The following PRKCQ variants were observed in gnomAD, a reference collection of about 807,000 sequenced individuals.
The protein encoded by PRKCQ is protein kinase C theta type.
A neutral mutation model predicts 91.2 loss-of-function variants in PRKCQ; 41 were observed. The observed-to-expected ratio is 0.45, with a 90% CI of 0.35 to 0.58. The LOEUF is 0.58. Ranked by LOEUF, PRKCQ falls within the 20% of genes least tolerant of loss-of-function variation. The probability of loss-of-function intolerance (pLI) is 0.00; values close to 1 mark genes in which losing one functional copy is unlikely to be tolerated. For missense variants in PRKCQ, 673 were observed against 896.5 expected, an observed-to-expected ratio of 0.75 and a Z score of 3.18; for synonymous variants, 307 against 316.9, an observed-to-expected ratio of 0.97 and a Z score of 0.33.
chr10:6,527,428 T>C (rs1327429146), intron 1 of PRKCQ, among the ~76,000 whole-genome samples: 2 of 152,184 alleles, frequency 1.3e-5, no homozygotes, highest in Non-Finnish European at 2.9e-5. Flanking sequence ...TTGCTAATCA[T>C]GGTCATTATG....
intron 1 of PRKCQ, among the ~76,000 whole-genome samples, chr10:6,522,578 C>T (rs768538849): frequency 5.9e-5 from 9 of 152,076 alleles, no homozygotes; most frequent in South Asian, 4.1e-4. Flanking sequence ...GTATAATATA[C>T]TCTCATCAAT....
chr10:6,564,368 G>A (rs1448075096), intron 1 of PRKCQ, among the ~76,000 whole-genome samples: 2 of 152,092 alleles, frequency 1.3e-5, no homozygotes, highest in East Asian at 3.8e-4. Context: ...TTCAAAGGCA[G>A]CTGCTGCAGC....
chr10:6,519,559 C>A (rs1245326906), intron 1 of PRKCQ, among the ~76,000 whole-genome samples: 1 of 152,160 alleles, frequency 6.6e-6, no homozygotes, highest in African/African-American at 2.4e-5. Context: ...CAGACCCCTG[C>A]AACTCTGATT....
At chr10:6,554,485 T>C (rs1050246514) in intron 1 of PRKCQ, among the ~76,000 whole-genome samples, 1 of 152,244 alleles carries the variant, frequency 6.6e-6, no homozygotes. Flanking sequence ...CTGTGGCCTC[T>C]GGCATTTTCT....
intron 16 of PRKCQ, among the ~76,000 whole-genome samples, chr10:6,440,615 C>G (rs1452892583): frequency 6.6e-6 from 1 of 152,194 alleles, no homozygotes; most frequent in Non-Finnish European, 1.5e-5. Flanking sequence ...ACAACACTGT[C>G]TCCTCCAGTA....
At position 6,507,480 on chromosome 10, in the gene PRKCQ, T is replaced by C. The variant is rs201241305; in HGVS notation, c.335A>G (p.Gln112Arg). 5 of 1,613,678 alleles carry C rather than the reference T, an allele frequency of 3.1e-6. No homozygotes were observed. The East Asian group carries it at 1.1e-4, about 36-fold the overall frequency. The change falls in exon 4 of 18, where the codon CAA becomes CGA. Residue 112 changes from glutamine to arginine, a missense_variant. By Grantham distance (43) the Gln-to-Arg change is conservative. Coordinates refer to ENST00000263125, the MANE Select transcript of PRKCQ (RefSeq NM_006257.5). The part of the protein sequence containing the change: ...KTEIWLELKP[Q>R]GRMLMNARYF... ...TCTTGCATTCATTAGCATTCGGCCT[T>C]GAGGTTTCAGCTCTAACTGGTTGGG...
downstream of PRKCQ, among the ~76,000 whole-genome samples, chr10:6,426,420 C>G (rs1478615968): frequency 6.6e-6 from 1 of 152,186 alleles, no homozygotes. Flanking sequence ...CTCCTTCAAG[C>G]AGGTGAATTT....
intron 7 of PRKCQ, among the ~76,000 whole-genome samples, chr10:6,493,173 TGA>T (rs1564349252): frequency 2.0e-5 from 3 of 152,114 alleles, no homozygotes; most frequent in Non-Finnish European, 4.4e-5. Context: ...TGAAAACCAA[TGA>T]GCTACATGGG....
At chr10:6,506,896 G>A (rs1314356281) in intron 4 of PRKCQ, among the ~76,000 whole-genome samples, 1 of 152,186 alleles carries the variant, frequency 6.6e-6, no homozygotes, top group Admixed American at 6.5e-5. Context: ...TTTCACTTCT[G>A]TGGCCAAAGT....
intron 1 of PRKCQ, among the ~76,000 whole-genome samples, chr10:6,551,698 C>A (rs1355313427): frequency 6.6e-6 from 1 of 152,148 alleles, no homozygotes; most frequent in African/African-American, 2.4e-5. Context: ...GCCCAGCCCA[C>A]ATTTTCTTTA....
chr10:6,532,893 G>A lies in PRKCQ; in HGVS notation c.-9-17749C>T, dbSNP rs572302300. 8.5e-5 allele frequency among the ~76,000 whole-genome samples: 13 copies of A among 152,232 alleles called. 1 individual carries two copies. In the South Asian group the frequency reaches 2.5e-3, roughly 29 times the overall value. ...AAAGAAGCACTATTCTGTGGATCCT[G>A]TTTTACTGCAATACTTGCTAAATTG... On this transcript the variant is annotated intron_variant, in intron 1 of 17. Transcript: ENST00000263125.
At chr10:6,475,678 C>T (rs375671752) in intron 12 of PRKCQ, among the ~76,000 whole-genome samples, 14 of 152,276 alleles carry the variant, frequency 9.2e-5, no homozygotes, top group African/African-American at 2.9e-4. Context: ...AACTGTCCTC[C>T]CAAGAAAGGT....
At position 6,562,393 on chromosome 10, in the gene PRKCQ, G is replaced by A. The variant is rs527737689; in HGVS notation, c.-10+17818C>T. Among the ~76,000 whole-genome samples the A allele has an allele frequency of 2.6e-5, 4 of 152,284 alleles. No individual in the cohort carries two copies. In the East Asian group the frequency reaches 5.8e-4, roughly 22 times the overall value. On this transcript the variant is annotated intron_variant, in intron 1 of 17. Coordinates refer to ENST00000263125, the MANE Select transcript of PRKCQ (RefSeq NM_006257.5). ...TGTTCACATGCTTCAGCAGAGAGAC[G>A]CACGCTTCAGGGCCCAGCAGAGAAT...
chr10:6,408,556 T>C, the PRKCQ span, among the ~76,000 whole-genome samples: 1 of 152,152 alleles, frequency 6.6e-6, no homozygotes, highest in Non-Finnish European at 1.5e-5. Flanking sequence ...GGTTTCACCA[T>C]GTTGGCCAGG....
At chr10:6,511,452 T>A (rs1838472422) in intron 2 of PRKCQ, among the ~76,000 whole-genome samples, 1 of 152,206 alleles carries the variant, frequency 6.6e-6, no homozygotes, top group African/African-American at 2.4e-5. Flanking sequence ...TGCCTTGGAC[T>A]GGAAATTGTT....
chr10:6,576,189 C>A lies in PRKCQ; in HGVS notation c.-10+4022G>T, dbSNP rs1841230470. Among the ~76,000 whole-genome samples, 1 of 152,166 alleles carries A rather than the reference C, an allele frequency of 6.6e-6. No individual in the cohort carries two copies. The highest frequency in any genetic ancestry group is 2.1e-4 in the South Asian group (1 of 4,820). On this transcript the variant is annotated intron_variant, in intron 1 of 17. Transcript: ENST00000263125. The surrounding 1 kb of genome is among the most constrained non-coding windows in gnomAD (Gnocchi z 4.2). The stretch of plus-strand genomic sequence containing the variant: ...TAAACATAGAATTACCCTACGACCC[C>A]ACAATTCTACTGCTGGGTACATACC...
chr10:6,487,704 A>G (rs952292771), intron 8 of PRKCQ, among the ~76,000 whole-genome samples: 1 of 152,186 alleles, frequency 6.6e-6, no homozygotes. Flanking sequence ...CTAATGAAAC[A>G]TCACCATTAA....
intron 1 of PRKCQ, among the ~76,000 whole-genome samples, chr10:6,561,841 T>A (rs772890846): frequency 1.3e-5 from 2 of 152,218 alleles, no homozygotes; most frequent in Non-Finnish European, 2.9e-5. Context: ...TAGAACTTGC[T>A]GTTTTTAATG....
chr10:6,503,969 G>A (rs1209161845), intron 4 of PRKCQ, among the ~76,000 whole-genome samples: 5 of 151,990 alleles, frequency 3.3e-5, no homozygotes, highest in African/African-American at 9.7e-5. Flanking sequence ...GTAGAGATGG[G>A]GTCACTCTAC....
Sources: gnomAD v4.1 joint callset for allele counts (sites outside exome capture counted in the v4.1 genomes callset) on GRCh38, gnomAD v4.1.1 for gene constraint, Gnocchi (gnomAD v3.1) non-coding constraint, MANE v1.5 for transcripts, NCBI Gene and HGNC (gene_info 2026-07-23, HGNC 2026-07-21) for gene names.